Variants in SAMD12 observed in about 807,000 individuals in gnomAD.
The protein encoded by SAMD12 is sterile alpha motif domain-containing protein 12.
A neutral mutation model predicts 15.0 loss-of-function variants in SAMD12; 9 were observed. That is an observed-to-expected ratio of 0.60 (90% confidence interval 0.36 to 1.05). SAMD12 has a LOEUF of 1.05. SAMD12 is among the 50% of genes least tolerant of loss of function. The probability of loss-of-function intolerance (pLI) is 0.01; values close to 1 mark genes in which losing one functional copy is unlikely to be tolerated. For synonymous variants in SAMD12, 86 were observed against 90.1 expected (o/e 0.96, Z 0.25); for missense variants, 230 against 234.2 (o/e 0.98, Z 0.12).
intron 4 of SAMD12, among the ~76,000 whole-genome samples, chr8:118,305,991 C>A (rs1815331275): frequency 6.6e-6 from 1 of 152,182 alleles, no homozygotes; most frequent in Non-Finnish European, 1.5e-5. Flanking sequence ...CAACAGTCCA[C>A]TGGGTTCCAA....
Position 118,287,523 on chromosome 8 carries a change from T to C in SAMD12, c.434-89791A>G, listed in dbSNP as rs79086006. Among the ~76,000 whole-genome samples, 496 of 152,230 alleles carry C rather than the reference T, an allele frequency of 3.3e-3. 6 individuals carry two copies. The highest frequency in any genetic ancestry group is 0.011 in the African/African-American group (471 of 41,516). The stretch of plus-strand genomic sequence containing the variant: ...GAAAATCTTTTATTGATAAAAATAT[T>C]TGGGATAGTGCCGGGACTTAGAGAG... On this transcript the variant is annotated intron_variant, in intron 4 of 4. Coordinates refer to the SAMD12 transcript ENST00000409003.
chr8:118,555,150 A>G (rs1388034322), intron 2 of SAMD12, among the ~76,000 whole-genome samples: 1 of 152,228 alleles, frequency 6.6e-6, no homozygotes, highest in Admixed American at 6.5e-5. Context: ...ATGTGAGAAT[A>G]AAACAAAGTA....
chr8:118,495,664 C>T (rs59898156), intron 2 of SAMD12, among the ~76,000 whole-genome samples: 10,510 of 151,796 alleles, frequency 0.069, 564 homozygotes, highest in East Asian at 0.28. Context: ...TGATACTTCC[C>T]AAAGTCACAG....
intron 2 of SAMD12, among the ~76,000 whole-genome samples, chr8:118,542,498 G>C (rs964927436): frequency 6.6e-6 from 1 of 152,126 alleles, no homozygotes; most frequent in African/African-American, 2.4e-5. Context: ...GTTTCTAAGG[G>C]AATGTGGTTC....
chr8:118,600,380 T>C (rs1162311841), intron 1 of SAMD12, among the ~76,000 whole-genome samples: 2 of 151,874 alleles, frequency 1.3e-5, no homozygotes, highest in African/African-American at 4.8e-5. Flanking sequence ...TGAAAGAAGA[T>C]AGGTTTTGGG....
chr8:118,600,065 C>T (rs538065714), intron 1 of SAMD12, among the ~76,000 whole-genome samples: 13 of 152,042 alleles, frequency 8.6e-5, no homozygotes, highest in Non-Finnish European at 1.5e-4. Context: ...GCATATGTCA[C>T]GTGAAAGAAA....
At chr8:118,518,022 A>C (rs190559893) in intron 2 of SAMD12, among the ~76,000 whole-genome samples, 2 of 152,332 alleles carry the variant, frequency 1.3e-5, no homozygotes, top group Admixed American at 6.5e-5. Context: ...CTGACTTAGA[A>C]ACCCCAGGAA....
At chr8:118,274,166 G>A (rs1337810811) in intron 4 of SAMD12, among the ~76,000 whole-genome samples, 1 of 152,202 alleles carries the variant, frequency 6.6e-6, no homozygotes, top group Non-Finnish European at 1.5e-5. Context: ...ATATAGTTAA[G>A]AGTGCTGCAT....
chr8:118,232,456 G>C (rs1812333853), intron 4 of SAMD12, among the ~76,000 whole-genome samples: 1 of 152,174 alleles, frequency 6.6e-6, no homozygotes, highest in Admixed American at 6.5e-5. Context: ...CTGGGCTGAA[G>C]TGAGGGTAGA....
the SAMD12 span, among the ~76,000 whole-genome samples, chr8:118,179,802 A>C: frequency 2.0e-5 from 3 of 152,212 alleles, no homozygotes; most frequent in African/African-American, 7.2e-5. Flanking sequence ...TTTTTGGATC[A>C]AAACTGTGGG....
At chr8:118,208,308 T>G (rs1819925101) in intron 4 of SAMD12, among the ~76,000 whole-genome samples, 1 of 152,232 alleles carries the variant, frequency 6.6e-6, no homozygotes, top group African/African-American at 2.4e-5. Flanking sequence ...TGAATAATCC[T>G]TACAACAGTG....
chr8:118,426,810 AG>A (rs1474144713), intron 3 of SAMD12, among the ~76,000 whole-genome samples: 1 of 139,330 alleles, frequency 7.2e-6, no homozygotes, highest in African/African-American at 3.3e-5. Context: ...TGAAATCGTG[AG>A]TATTTTGTGT....
chr8:118,450,725 C>T, intron 2 of SAMD12, among the ~76,000 whole-genome samples: 1 of 152,088 alleles, frequency 6.6e-6, no homozygotes, highest in Non-Finnish European at 1.5e-5. Context: ...CATGAGATGG[C>T]ATCTATTTTT....
chr8:118,454,382 T>C (rs1208038553), intron 2 of SAMD12, among the ~76,000 whole-genome samples: 1 of 152,222 alleles, frequency 6.6e-6, no homozygotes, highest in Non-Finnish European at 1.5e-5. Flanking sequence ...AGGACCTTTT[T>C]ATTCTTGATA....
chr8:118,586,107 G>C (rs1012568329), intron 1 of SAMD12, among the ~76,000 whole-genome samples: 3 of 152,110 alleles, frequency 2.0e-5, no homozygotes, highest in African/African-American at 7.2e-5. Context: ...GAATGAGCTG[G>C]CTCCCCAACC....
intron 4 of SAMD12, among the ~76,000 whole-genome samples, chr8:118,275,408 A>T (rs556574563): frequency 1.3e-5 from 2 of 152,248 alleles, no homozygotes; most frequent in East Asian, 3.9e-4. Flanking sequence ...GCTTGTGTTT[A>T]GTTTTGGATC....
intron 2 of SAMD12, among the ~76,000 whole-genome samples, chr8:118,542,463 T>A (rs1315239815): frequency 6.6e-6 from 1 of 152,234 alleles, no homozygotes; most frequent in Non-Finnish European, 1.5e-5. Context: ...AATGGTATAA[T>A]CTTAAATATA....
intron 4 of SAMD12, among the ~76,000 whole-genome samples, chr8:118,288,086 A>G (rs1270489684): frequency 6.6e-6 from 1 of 152,210 alleles, no homozygotes; most frequent in Non-Finnish European, 1.5e-5. Context: ...GTAAATTTTT[A>G]TATCATAAAA....
chr8:118,248,775 T>A (rs1165470165), intron 4 of SAMD12, among the ~76,000 whole-genome samples: 1 of 152,152 alleles, frequency 6.6e-6, no homozygotes. Context: ...CTTGTTAACA[T>A]ACACCACCTT....
Sources: gnomAD v4.1 joint callset for allele counts (sites outside exome capture counted in the v4.1 genomes callset) on GRCh38, gnomAD v4.1.1 for gene constraint, MANE v1.5 for transcripts, NCBI Gene and HGNC (gene_info 2026-07-23, HGNC 2026-07-21) for gene names.